The following FGF14 variants were observed in gnomAD, a reference collection of about 807,000 sequenced individuals.
FGF14 encodes fibroblast growth factor 14.
In FGF14, 5 loss-of-function variants were observed where a neutral mutation model predicts 25.5. The observed-to-expected ratio is 0.20, with a 90% CI of 0.10 to 0.41. The LOEUF is 0.41. FGF14 is among the 10% of genes least tolerant of loss of function. The probability of loss-of-function intolerance (pLI) is 1.00; values close to 1 mark genes in which losing one functional copy is unlikely to be tolerated. For synonymous variants in FGF14, 138 were observed against 118.3 expected, an observed-to-expected ratio of 1.17 and a Z score of -1.08; for missense variants, 222 against 320.1, an observed-to-expected ratio of 0.69 and a Z score of 2.34.
At chr13:101,981,082 A>AAC (rs58666555) in intron 1 of FGF14, among the ~76,000 whole-genome samples, 11,397 of 123,636 alleles carry the variant, frequency 0.092, 611 homozygotes, top group South Asian at 0.19. Context: ...TCTCTACTAA[A>AAC]ACACACACAC....
chr13:101,732,989 T>C (rs1381872099), intron 3 of FGF14, among the ~76,000 whole-genome samples: 2 of 152,164 alleles, frequency 1.3e-5, no homozygotes, highest in Non-Finnish European at 2.9e-5. Context: ...AAATCAATTG[T>C]ATCCTTTAAT....
chr13:101,956,294 T>C (rs1264709121), intron 1 of FGF14, among the ~76,000 whole-genome samples: 1 of 152,200 alleles, frequency 6.6e-6, no homozygotes, highest in Non-Finnish European at 1.5e-5. Flanking sequence ...GGATAACATC[T>C]CTCTTTACAT....
intron 1 of FGF14, among the ~76,000 whole-genome samples, chr13:102,078,318 G>A (rs1188308706): frequency 6.6e-6 from 1 of 152,134 alleles, no homozygotes; most frequent in African/African-American, 2.4e-5. Flanking sequence ...AGGTGATGCA[G>A]ATATTAATTA....
rs1381438789 is a variant in FGF14 at position 101,716,963 on chromosome 13, T to A, written c.*5868A>T. On this transcript the variant is annotated 3_prime_UTR_variant, in exon 5 of 5. Transcript: ENST00000376143. ...CTTCCCTTACATATTTACAGGTAAA[T>A]CTACTTATACACATTAGTTTAGGCA... 2.0e-5 allele frequency: 3 copies of A among 152,042 alleles called. No individual in the cohort carries two copies. The highest frequency in any genetic ancestry group is 2.9e-5 in the Non-Finnish European group (2 of 67,988). The allele number at this position is 152,042 out of a possible 1,614,324, so 9.4% of individuals were successfully genotyped here. A position where few individuals can be genotyped will look rare whatever the true frequency, so the allele number is the denominator to read the frequency against.
chr13:102,148,431 C>T (rs2046943519), intron 1 of FGF14, among the ~76,000 whole-genome samples: 1 of 152,112 alleles, frequency 6.6e-6, no homozygotes, highest in Non-Finnish European at 1.5e-5. Context: ...AAAATCATCA[C>T]ATCATATAGA....
At chr13:101,918,787 T>C (rs142734574), upstream of FGF14, among the ~76,000 whole-genome samples, 29 of 152,158 alleles carry the variant, frequency 1.9e-4, no homozygotes, top group East Asian at 5.0e-3. Flanking sequence ...GATTTAGATC[T>C]AAGGCAGGGA....
intron 1 of FGF14, among the ~76,000 whole-genome samples, chr13:101,878,600 A>G (rs2045528552): frequency 6.6e-6 from 1 of 152,190 alleles, no homozygotes; most frequent in African/African-American, 2.4e-5. Flanking sequence ...CAAATAACAA[A>G]GATGAGATTT....
chr13:101,957,800 T>C (rs919508956), intron 1 of FGF14, among the ~76,000 whole-genome samples: 4 of 152,140 alleles, frequency 2.6e-5, no homozygotes, highest in Non-Finnish European at 5.9e-5. Flanking sequence ...ATGTGTGGCA[T>C]GACTTAAGGA....
chr13:102,340,083 GAA>G (rs1227583679), intron 1 of FGF14, among the ~76,000 whole-genome samples: 2 of 151,590 alleles, frequency 1.3e-5, no homozygotes, highest in Non-Finnish European at 2.9e-5. Flanking sequence ...TGAAAAGAAA[GAA>G]AAAAAACACA....
chr13:102,162,937 C>T (rs1039338877), intron 1 of FGF14, among the ~76,000 whole-genome samples: 7 of 152,024 alleles, frequency 4.6e-5, no homozygotes, highest in South Asian at 2.1e-4. Context: ...TTAGTAGCAC[C>T]GACACTAAGG....
intron 1 of FGF14, among the ~76,000 whole-genome samples, chr13:102,238,803 C>T (rs760461999): frequency 1.2e-4 from 18 of 152,196 alleles, no homozygotes; most frequent in Non-Finnish European, 2.1e-4. Context: ...AGTGCTTTTA[C>T]ACAGGTCTCC....
intron 1 of FGF14, among the ~76,000 whole-genome samples, chr13:101,945,695 G>A (rs751610870): frequency 1.3e-5 from 2 of 152,202 alleles, no homozygotes; most frequent in Non-Finnish European, 2.9e-5. Context: ...ACCAGGGACA[G>A]CATCCTCATC....
At chr13:101,764,326 AT>A (rs1211767845) in intron 3 of FGF14, among the ~76,000 whole-genome samples, 5 of 152,162 alleles carry the variant, frequency 3.3e-5, no homozygotes, top group African/African-American at 4.8e-5. Context: ...ACCCCACAGA[AT>A]TGTGAGGATC....
At chr13:102,240,291 C>T (rs2051531749) in intron 1 of FGF14, among the ~76,000 whole-genome samples, 1 of 152,122 alleles carries the variant, frequency 6.6e-6, no homozygotes, top group African/African-American at 2.4e-5. Flanking sequence ...ATATGGCCAA[C>T]CAAATGCAGT....
intron 3 of FGF14, among the ~76,000 whole-genome samples, chr13:101,735,142 T>C (rs2036090931): frequency 6.6e-6 from 1 of 151,984 alleles, no homozygotes; most frequent in Non-Finnish European, 1.5e-5. Flanking sequence ...AACCTATTCC[T>C]AGAGGTGATC....
chr13:102,084,701 C>A (rs2043807037), intron 1 of FGF14, among the ~76,000 whole-genome samples: 2 of 152,202 alleles, frequency 1.3e-5, no homozygotes, highest in Admixed American at 1.3e-4. Flanking sequence ...ACCCCAGCAA[C>A]AGGACGACTT....
intron 1 of FGF14, among the ~76,000 whole-genome samples, chr13:102,054,226 G>T (rs2042334600): frequency 6.6e-6 from 1 of 152,104 alleles, no homozygotes; most frequent in Non-Finnish European, 1.5e-5. Context: ...AGTTAACTAT[G>T]ATCTTGATTA....
At chr13:102,153,183 A>G (rs1410346814) in intron 1 of FGF14, among the ~76,000 whole-genome samples, 1 of 152,230 alleles carries the variant, frequency 6.6e-6, no homozygotes, top group African/African-American at 2.4e-5. Context: ...TGGAGGAGAA[A>G]GAACATCATA....
chr13:102,159,884 A>G (rs1399248587), intron 1 of FGF14, among the ~76,000 whole-genome samples: 2 of 152,222 alleles, frequency 1.3e-5, no homozygotes, highest in Non-Finnish European at 2.9e-5. Flanking sequence ...TAAGTATCTC[A>G]TCTCAGTGAG....
Sources: gnomAD v4.1 joint callset for allele counts (sites outside exome capture counted in the v4.1 genomes callset) on GRCh38, gnomAD v4.1.1 for gene constraint, MANE v1.5 for transcripts, NCBI Gene and HGNC (gene_info 2026-07-23, HGNC 2026-07-21) for gene names.